Variants in ZNF695 observed in about 807,000 individuals in gnomAD.
ZNF695 encodes the protein zinc finger protein SBZF3.
A neutral mutation model predicts 11.2 loss-of-function variants in ZNF695; 11 were observed. That is an observed-to-expected ratio of 0.98 (90% CI 0.62 to 1.62). ZNF695 has a LOEUF of 1.62. Among genes scored for constraint, ZNF695 ranks in the 40% most tolerant of loss-of-function variants. The probability of loss-of-function intolerance (pLI) is 0.00; values close to 1 mark genes in which losing one functional copy is unlikely to be tolerated. For missense variants in ZNF695, 559 were observed against 590.5 expected, an observed-to-expected ratio of 0.95 and a Z score of 0.55; for synonymous variants, 190 against 201.4, an observed-to-expected ratio of 0.94 and a Z score of 0.48.
At chr1:246,946,561 G>A (rs1359029181) in intron 5 of ZNF695, among the ~76,000 whole-genome samples, 1 of 152,252 alleles carries the variant, frequency 6.6e-6, no homozygotes, top group Admixed American at 6.5e-5. Context: ...AGCCAGGCGG[G>A]CCCTCTCCCG....
intron 5 of ZNF695, among the ~76,000 whole-genome samples, chr1:246,956,461 C>T (rs1668005303): frequency 1.3e-5 from 2 of 150,902 alleles, no homozygotes; most frequent in South Asian, 4.3e-4. Flanking sequence ...ACAAAAAATA[C>T]AAAAATTAGC....
At chr1:246,952,893 C>T (rs1667900695) in intron 5 of ZNF695, among the ~76,000 whole-genome samples, 1 of 149,252 alleles carries the variant, frequency 6.7e-6, no homozygotes, top group Non-Finnish European at 1.5e-5. Flanking sequence ...TCAAGACCAG[C>T]CTGGGCAACA....
At chr1:246,999,505 C>G in intron 2 of ZNF695, 65 bp from the exon 3 acceptor site, 1 of 1,295,804 alleles carries the variant, frequency 7.7e-7, no homozygotes, top group Non-Finnish European at 1.1e-6. Context: ...TTACTATGCT[C>G]AGTAGAGAAG....
In ZNF695 at chr1:247,008,013, CAGCAGACGG is replaced by C; in HGVS notation, c.-114_-106del. Reference sequence around the variant, plus strand: ...CAGTCACCCGGGACTCTCCGAGAGGCAGCAGACGGGAACCCAGCACCCCGCCGGCCGCAA... The same window carrying C: ...CAGTCACCCGGGACTCTCCGAGAGGCGAACCCAGCACCCCGCCGGCCGCAA... On this transcript the variant is annotated 5_prime_UTR_variant, in exon 1 of 4. Coordinates refer to ENST00000339986, the MANE Select transcript of ZNF695 (RefSeq NM_020394.5). 1 of 1,298,790 alleles carries C rather than the reference CAGCAGACGG, an allele frequency of 7.7e-7. No homozygotes were observed. The allele number at this position is 1,298,790 out of a possible 1,614,324, so 80.5% of individuals were successfully genotyped here.
At chr1:246,992,081 G>A (rs959936501) in intron 3 of ZNF695, among the ~76,000 whole-genome samples, 1 of 151,786 alleles carries the variant, frequency 6.6e-6, no homozygotes, top group Admixed American at 6.6e-5. Context: ...GGAGAACAGC[G>A]TCAACCCGGG....
intron 1 of ZNF695, among the ~76,000 whole-genome samples, 186 bp downstream of exon 1, chr1:247,007,720 G>A (rs1253521010): frequency 2.0e-5 from 3 of 151,930 alleles, no homozygotes; most frequent in African/African-American, 7.2e-5. Flanking sequence ...CCGGGATCCC[G>A]CTGCCGGCCC....
chr1:246,998,612 A>G (rs1432825432), intron 3 of ZNF695, among the ~76,000 whole-genome samples: 2 of 152,210 alleles, frequency 1.3e-5, no homozygotes, highest in South Asian at 2.1e-4. Flanking sequence ...GGATTTCTTA[A>G]CCAAATACCA....
Position 246,987,804 on chromosome 1 carries a change from C to G in ZNF695, c.711G>C (p.Glu237Asp). ...FTDCKRIHVG[E>D]KHCKCEECNN... ...TACATTCTTCACATTTGCAATGTTT[C>G]TCTCCAACATGAATTCTCTTACAGT... Residue 237 changes from glutamate (E) to aspartate (D), a missense_variant, in exon 4 of 4, where the codon GAG becomes GAC. Glu to Asp is a conservative substitution (Grantham distance 45). Coordinates refer to ENST00000339986, the MANE Select transcript of ZNF695 (RefSeq NM_020394.5). The G allele has an allele frequency of 6.2e-7, 1 of 1,609,180 alleles. No homozygotes were observed. Among genetic ancestry groups the G allele is most frequent in the Non-Finnish European group, 8.5e-7 (1 of 1,178,680 alleles).
intron 1 of ZNF695, among the ~76,000 whole-genome samples, chr1:247,001,434 G>A (rs966451163): frequency 2.2e-4 from 33 of 151,550 alleles, no homozygotes; most frequent in South Asian, 4.2e-4. Context: ...AAAAGGAGCC[G>A]GGCGTGGTGG....
chr1:246,955,779 A>G (rs980816386), intron 5 of ZNF695, among the ~76,000 whole-genome samples: 2 of 152,098 alleles, frequency 1.3e-5, no homozygotes, highest in African/African-American at 2.4e-5. Context: ...TAAGAGTACT[A>G]CTGTCTTCTG....
intron 5 of ZNF695, among the ~76,000 whole-genome samples, chr1:246,954,807 A>C (rs1667948323): frequency 6.6e-6 from 1 of 152,228 alleles, no homozygotes; most frequent in Non-Finnish European, 1.5e-5. Flanking sequence ...ATAATAACTG[A>C]GAAAATAAAA....
At chr1:246,976,776 A>G (rs1044383762) in intron 4 of ZNF695, among the ~76,000 whole-genome samples, 3 of 151,876 alleles carry the variant, frequency 2.0e-5, no homozygotes, top group South Asian at 2.1e-4. Flanking sequence ...CCTGGGCGAC[A>G]GAGCGAAACT....
intron 4 of ZNF695, among the ~76,000 whole-genome samples, chr1:246,971,708 T>C (rs1463591648): frequency 6.6e-6 from 1 of 152,218 alleles, no homozygotes; most frequent in African/African-American, 2.4e-5. Flanking sequence ...AGAGTAATGC[T>C]AGAAACTAAT....
Position 246,985,922 on chromosome 1 carries a change from T to C in ZNF695, c.*1045A>G, listed in dbSNP as rs144833663. ...AATATAGAAGAAACTCTCACAGCTT[T>C]CATGTAGCAACAGTAGGCCTCATGC... On this transcript the variant is annotated 3_prime_UTR_variant, in exon 4 of 4. Transcript: ENST00000339986. 1.0e-6 allele frequency: 1 copy of C among 985,408 alleles called. No homozygotes were observed. Among genetic ancestry groups the C allele is most frequent in the East Asian group, 1.1e-4 (1 of 8,818 alleles). 61.0% of individuals were successfully genotyped at this position (985,408 alleles called of 1,614,324 possible).
At position 247,007,918 on chromosome 1, in the gene ZNF695, T is replaced by G; in HGVS notation, c.-10A>C. 1.3e-6 allele frequency: 2 copies of G among 1,530,732 alleles called. No individual in the cohort carries two copies. The highest frequency in any genetic ancestry group is 1.8e-6 in the Non-Finnish European group (2 of 1,132,010). The allele number at this position is 1,530,732 out of a possible 1,614,324, so 94.8% of individuals were successfully genotyped here. ...TCCGCACACTCACCATTTCCCAGCT[T>G]TTGGGGGTCCCAGCGTCCTCCCTAT... On this transcript the variant is annotated 5_prime_UTR_variant, in exon 1 of 4. Transcript: ENST00000339986.
At chr1:246,962,974 G>A (rs1337937489) in intron 5 of ZNF695, among the ~76,000 whole-genome samples, 1 of 152,246 alleles carries the variant, frequency 6.6e-6, no homozygotes, top group South Asian at 2.1e-4. Context: ...ACCATGCCCG[G>A]CCTTGAAACC....
At chr1:246,954,701 G>T (rs1448250943) in intron 5 of ZNF695, among the ~76,000 whole-genome samples, 1 of 152,106 alleles carries the variant, frequency 6.6e-6, no homozygotes, top group East Asian at 1.9e-4. Context: ...GTGGAATCTG[G>T]ATTAGACGAT....
intron 1 of ZNF695, among the ~76,000 whole-genome samples, chr1:247,006,953 G>C (rs1441904024): frequency 6.6e-6 from 1 of 152,178 alleles, no homozygotes; most frequent in Non-Finnish European, 1.5e-5. Flanking sequence ...AAAACAAAAC[G>C]TAGGCTTAAC....
At chr1:246,977,747 T>C (rs1020466483) in intron 4 of ZNF695, among the ~76,000 whole-genome samples, 3 of 152,212 alleles carry the variant, frequency 2.0e-5, no homozygotes, top group Non-Finnish European at 2.9e-5. Flanking sequence ...GACTTTTGTA[T>C]AGTATCAGAA....
Sources: allele counts gnomAD v4.1 joint callset (sites outside exome capture counted in the v4.1 genomes callset), GRCh38; gene constraint gnomAD v4.1.1; transcripts MANE v1.5; gene names NCBI Gene and HGNC (gene_info 2026-07-23, HGNC 2026-07-21).